PRKCE: variants seen among roughly 807,000 people sequenced by gnomAD.
PRKCE encodes protein kinase C epsilon.
PRKCE carries 16 observed loss-of-function variants against 85.4 expected under a neutral mutation model. That is an observed-to-expected ratio of 0.19 (90% CI 0.13 to 0.28). The LOEUF (loss-of-function observed/expected upper bound fraction) is 0.28, where lower values mean the gene tolerates loss of function less well. Among genes scored for constraint, PRKCE ranks in the 10% least tolerant of loss-of-function variants. The pLI, the probability that PRKCE is intolerant of heterozygous loss-of-function variation, is 1.00. For synonymous variants in PRKCE, 388 were observed against 371.5 expected (o/e 1.04, Z -0.51); for missense variants, 573 against 975.2 (o/e 0.59, Z 5.49).
intron 1 of PRKCE, among the ~76,000 whole-genome samples, chr2:45,775,418 C>T (rs1480834015): frequency 1.3e-5 from 2 of 152,202 alleles, no homozygotes; most frequent in East Asian, 3.8e-4. Context: ...GAAATTCTCC[C>T]ACCAGCAAGA....
At chr2:45,898,993 G>A (rs929742214) in intron 2 of PRKCE, among the ~76,000 whole-genome samples, 1 of 152,240 alleles carries the variant, frequency 6.6e-6, no homozygotes, top group African/African-American at 2.4e-5. Context: ...CATTGTTTCA[G>A]GACTTACATG....
intron 2 of PRKCE, among the ~76,000 whole-genome samples, chr2:45,968,269 CA>C (rs1701868397): frequency 6.9e-6 from 1 of 145,712 alleles, no homozygotes; most frequent in African/African-American, 2.6e-5. Context: ...ACACACACAC[CA>C]TGGAATACTA....
In PRKCE at chr2:46,063,343, G is replaced by C. The variant is rs565960352; in HGVS notation, c.1438-22865G>C. Among the ~76,000 whole-genome samples the C allele has an allele frequency of 6.1e-4, 87 of 143,684 alleles. 1 individual carries two copies. The East Asian group carries it at 0.014, about 22-fold the overall frequency. 94.3% of individuals were successfully genotyped at this position (143,684 alleles called of 152,430 possible). A position where few individuals can be genotyped will look rare whatever the true frequency, so the allele number is the denominator to read the frequency against. ...CTTTTATGTGTAAGAGCCTGAAGTT[G>C]AACAGAAAAAAAAAAAAAAAGTCGG... On this transcript the variant is annotated intron_variant, in intron 10 of 14. Transcript: ENST00000306156.
chr2:46,150,480 C>A (rs1676512793), intron 12 of PRKCE, among the ~76,000 whole-genome samples: 3 of 152,048 alleles, frequency 2.0e-5, no homozygotes. Flanking sequence ...GTATAGTGGT[C>A]CTTTATAGGG....
intron 2 of PRKCE, among the ~76,000 whole-genome samples, chr2:45,906,357 G>A (rs906771339): frequency 2.0e-5 from 3 of 152,204 alleles, no homozygotes; most frequent in African/African-American, 4.8e-5. Flanking sequence ...AAGGCAATTG[G>A]GTTAATTAAA....
In PRKCE at chr2:46,010,490, C is replaced by A; in HGVS notation, c.1410C>A (p.Thr470=). Residue 470 remains threonine, a synonymous_variant, in exon 10 of 15, where the codon ACC becomes ACA. Coordinates refer to ENST00000306156, the MANE Select transcript of PRKCE (RefSeq NM_005400.3). ...TGGCACGGAAACACCCGTACCTTAC[C>A]CAACTCTACTGCTGCTTCCAGACCA... ...LALARKHPYL[T]QLYCCFQTKD... is the part of the protein sequence containing the mutation. 6.3e-7 allele frequency: 1 copy of A among 1,599,650 alleles called. No individual in the cohort carries two copies. Among genetic ancestry groups the A allele is most frequent in the Non-Finnish European group, 8.5e-7 (1 of 1,179,920 alleles).
chr2:46,005,739 A>G (rs1705133666), intron 8 of PRKCE, among the ~76,000 whole-genome samples: 1 of 152,152 alleles, frequency 6.6e-6, no homozygotes, highest in Non-Finnish European at 1.5e-5. Context: ...AGGCCACAGA[A>G]TAATTGGTCT....
At chr2:45,698,363 G>C (rs571745917) in intron 1 of PRKCE, among the ~76,000 whole-genome samples, 3 of 152,142 alleles carry the variant, frequency 2.0e-5, no homozygotes, top group Admixed American at 2.0e-4. Flanking sequence ...AAAATTTCCA[G>C]TTGGGGGTGA....
chr2:45,881,110 G>T (rs932544841), intron 2 of PRKCE, among the ~76,000 whole-genome samples: 1 of 138,020 alleles, frequency 7.2e-6, no homozygotes, highest in Non-Finnish European at 1.5e-5. Context: ...CCGAGATCCC[G>T]CCACTGCACT....
At position 46,147,174 on chromosome 2, in the gene PRKCE, C is replaced by T. The variant is rs118125979; in HGVS notation, c.1731+1943C>T. Among the ~76,000 whole-genome samples, 338 of 152,252 alleles carry T rather than the reference C, an allele frequency of 2.2e-3. 5 individuals are homozygous for T. The East Asian group carries it at 0.053, about 24-fold the overall frequency. ...AAGAGTAGGGATTTCAGTCTTTCTG[C>T]AAATGTATTTCCTTAGCAAGAACAC... is the stretch of plus-strand genomic sequence containing the variant. On this transcript the variant is annotated intron_variant, in intron 12 of 14. Transcript: ENST00000306156.
At chr2:45,823,482 G>A (rs10179954) in intron 1 of PRKCE, among the ~76,000 whole-genome samples, 104,301 of 152,124 alleles carry the variant, frequency 0.69, 36,085 homozygotes, top group African/African-American at 0.76. Context: ...ATCAGAGAGT[G>A]ACTTGACTTT....
In PRKCE at chr2:46,091,286, G is replaced by A. The variant is rs550220904; in HGVS notation, c.1592+4924G>A. Among the ~76,000 whole-genome samples, 2 of 152,300 alleles carry A rather than the reference G, an allele frequency of 1.3e-5. 1 individual carries two copies. The highest frequency in any genetic ancestry group is 4.2e-4 in the South Asian group (2 of 4,816). ...CTTGTAGGCACTGTGGGAGGTTTTT[G>A]AAGGGTGGGCTTTCCGTCCAAGGTT... is the stretch of plus-strand genomic sequence containing the variant. On this transcript the variant is annotated intron_variant, in intron 11 of 14. Transcript: ENST00000306156.
At chr2:45,955,870 A>G (rs934667081) in intron 2 of PRKCE, among the ~76,000 whole-genome samples, 6 of 152,182 alleles carry the variant, frequency 3.9e-5, no homozygotes, top group African/African-American at 1.4e-4. Context: ...AGTTTTGACA[A>G]TTACATACAG....
chr2:46,152,693 C>A (rs562018358), intron 13 of PRKCE, among the ~76,000 whole-genome samples: 1 of 151,868 alleles, frequency 6.6e-6, no homozygotes, highest in Non-Finnish European at 1.5e-5. Context: ...GGATTACAGG[C>A]GCCCACCACC....
At chr2:45,890,107 C>T (rs1695610116) in intron 2 of PRKCE, among the ~76,000 whole-genome samples, 1 of 152,168 alleles carries the variant, frequency 6.6e-6, no homozygotes, top group Non-Finnish European at 1.5e-5. Context: ...GAGTCCTCTC[C>T]CTTGGTGATT....
intron 1 of PRKCE, among the ~76,000 whole-genome samples, chr2:45,830,667 G>A (rs116414654): frequency 0.032 from 3,495 of 108,202 alleles, 70 homozygotes; most frequent in Admixed American, 0.045. Flanking sequence ...ACATATCACT[G>A]TGGCATTTTA....
At chr2:46,099,633 A>T (rs1259327288) in intron 11 of PRKCE, among the ~76,000 whole-genome samples, 1 of 151,872 alleles carries the variant, frequency 6.6e-6, no homozygotes, top group Non-Finnish European at 1.5e-5. Context: ...GCTACCTTAT[A>T]TTCTAGCACT....
At chr2:46,080,090 A>G (rs1668928183) in intron 10 of PRKCE, among the ~76,000 whole-genome samples, 1 of 152,192 alleles carries the variant, frequency 6.6e-6, no homozygotes, top group Non-Finnish European at 1.5e-5. Flanking sequence ...CAGGAAGTTG[A>G]TGTTTTGTTT....
intron 2 of PRKCE, among the ~76,000 whole-genome samples, chr2:45,890,958 A>G (rs1695678256): frequency 6.6e-6 from 1 of 152,228 alleles, no homozygotes; most frequent in Non-Finnish European, 1.5e-5. Flanking sequence ...AGAAAGGAAC[A>G]TAAGTTAGGT....
Sources: allele counts gnomAD v4.1 joint callset (sites outside exome capture counted in the v4.1 genomes callset), GRCh38; gene constraint gnomAD v4.1.1; transcripts MANE v1.5; gene names NCBI Gene and HGNC (gene_info 2026-07-23, HGNC 2026-07-21).